SLC30A8: variants seen among roughly 807,000 people sequenced by gnomAD.
SLC30A8 encodes proton-coupled zinc antiporter SLC30A8.
A neutral mutation model predicts 36.9 loss-of-function variants in SLC30A8; 27 were observed. That is an observed-to-expected ratio of 0.73 (90% confidence interval 0.54 to 1.01). The LOEUF (loss-of-function observed/expected upper bound fraction) is 1.01. Among genes scored for constraint, SLC30A8 ranks in the 50% least tolerant of loss-of-function variants. The probability of loss-of-function intolerance (pLI) is 0.00; values close to 1 mark genes in which losing one functional copy is unlikely to be tolerated. For missense variants in SLC30A8, 439 were observed against 452.0 expected (o/e 0.97, Z 0.26); for synonymous variants, 164 against 172.4 (o/e 0.95, Z 0.38).
chr8:117,102,093 TA>T (rs536443986), intron 2 of SLC30A8, among the ~76,000 whole-genome samples: 1 of 152,172 alleles, frequency 6.6e-6, no homozygotes, highest in Admixed American at 6.6e-5. Flanking sequence ...TCGGTTTTTT[TA>T]AAAAATCATA....
At chr8:116,999,852 TAATA>T (rs1815949342) in intron 1 of SLC30A8, among the ~76,000 whole-genome samples, 1 of 152,134 alleles carries the variant, frequency 6.6e-6, no homozygotes, top group South Asian at 2.1e-4. Context: ...CATAAAAAAT[TAATA>T]AACAGATATG....
chr8:116,951,664 T>C (rs1813996426), intron 1 of SLC30A8, among the ~76,000 whole-genome samples: 1 of 152,048 alleles, frequency 6.6e-6, no homozygotes, highest in African/African-American at 2.4e-5. Flanking sequence ...GGTGATTCCT[T>C]GTATTTTTAT....
At chr8:117,004,714 T>A (rs1182545391) in intron 1 of SLC30A8, among the ~76,000 whole-genome samples, 1 of 152,178 alleles carries the variant, frequency 6.6e-6, no homozygotes, top group Non-Finnish European at 1.5e-5. Flanking sequence ...TCTCTTACAT[T>A]TGATACAGTG....
chr8:117,038,132 A>T (rs923911441), intron 1 of SLC30A8, among the ~76,000 whole-genome samples: 1 of 152,176 alleles, frequency 6.6e-6, no homozygotes, highest in Non-Finnish European at 1.5e-5. Flanking sequence ...CAGTAATTTT[A>T]TAAAATTGTT....
chr8:117,049,843 C>T (rs949127390), intron 2 of SLC30A8, among the ~76,000 whole-genome samples: 1 of 152,228 alleles, frequency 6.6e-6, no homozygotes, highest in Non-Finnish European at 1.5e-5. Flanking sequence ...CATTGTCACT[C>T]ACAGAGGTGG....
intron 2 of SLC30A8, among the ~76,000 whole-genome samples, chr8:117,074,280 G>C (rs1255885672): frequency 6.6e-6 from 1 of 152,032 alleles, no homozygotes; most frequent in Non-Finnish European, 1.5e-5. Context: ...CCCTTCCTGT[G>C]GACTTTGCAT....
chr8:117,018,674 C>T (rs867254348), intron 1 of SLC30A8, among the ~76,000 whole-genome samples: 1,422 of 119,620 alleles, frequency 0.012, 12 homozygotes, highest in African/African-American at 0.029. Flanking sequence ...CCCCCCCCCC[C>T]CTTTTTTTTT....
intron 1 of SLC30A8, among the ~76,000 whole-genome samples, chr8:117,027,063 C>G (rs1262654760): frequency 6.6e-6 from 1 of 152,168 alleles, no homozygotes; most frequent in Non-Finnish European, 1.5e-5. Flanking sequence ...GGCATTATCA[C>G]TGAGTAGCAC....
intron 2 of SLC30A8, among the ~76,000 whole-genome samples, chr8:117,082,287 T>G (rs1162873268): frequency 6.6e-6 from 1 of 152,102 alleles, no homozygotes; most frequent in South Asian, 2.1e-4. Flanking sequence ...CTAGATGAAG[T>G]ATGTAATGAC....
At chr8:117,097,886 A>ATATATATTATATAT (rs1819509063) in intron 2 of SLC30A8, among the ~76,000 whole-genome samples, 5 of 94,726 alleles carry the variant, frequency 5.3e-5, no homozygotes, top group African/African-American at 2.4e-4. Flanking sequence ...AATTTTAAAT[A>ATATATATTATATAT]AATATATATT....
intron 1 of SLC30A8, among the ~76,000 whole-genome samples, chr8:117,032,124 G>T (rs988148476): frequency 2.0e-4 from 31 of 151,266 alleles, no homozygotes; most frequent in African/African-American, 7.5e-4. Context: ...CGCATGCTTT[G>T]TGATCTAGCT....
chr8:116,972,546 C>A (rs188931202), intron 1 of SLC30A8, among the ~76,000 whole-genome samples: 1 of 152,276 alleles, frequency 6.6e-6, no homozygotes, highest in Admixed American at 6.5e-5. Context: ...CCTAAGCTCA[C>A]AAGGAGGAGA....
intron 6 of SLC30A8, among the ~76,000 whole-genome samples, chr8:117,164,828 T>A (rs932383052): frequency 6.6e-6 from 1 of 152,084 alleles, no homozygotes; most frequent in South Asian, 2.1e-4. Context: ...AGCCCCATTA[T>A]CCTTGACTAC....
At chr8:116,951,128 T>C (rs1049775694) in intron 1 of SLC30A8, 18 of 152,250 alleles carry the variant, frequency 1.2e-4, no homozygotes, top group Admixed American at 1.1e-3. Flanking sequence ...TGGTGAGTCA[T>C]TGATGTCTCT....
At chr8:117,165,074 CAA>C (rs966921300) in intron 6 of SLC30A8, among the ~76,000 whole-genome samples, 2 of 152,150 alleles carry the variant, frequency 1.3e-5, no homozygotes, top group African/African-American at 4.8e-5. Flanking sequence ...AGAGTTAGCG[CAA>C]AGAGACACAT....
intron 2 of SLC30A8, among the ~76,000 whole-genome samples, chr8:117,089,283 T>C (rs1444405873): frequency 6.6e-6 from 1 of 152,222 alleles, no homozygotes; most frequent in East Asian, 1.9e-4. Flanking sequence ...TCTTGACTTA[T>C]ATAACTGACA....
At chr8:117,027,060 T>A (rs376575364) in intron 1 of SLC30A8, among the ~76,000 whole-genome samples, 20 of 152,284 alleles carry the variant, frequency 1.3e-4, no homozygotes, top group Non-Finnish European at 1.3e-4. Context: ...TGAGGCATTA[T>A]CACTGAGTAG....
chr8:117,096,980 A>C (rs141638099), intron 2 of SLC30A8, among the ~76,000 whole-genome samples: 146 of 152,228 alleles, frequency 9.6e-4, no homozygotes, highest in African/African-American at 3.2e-3. Context: ...TATCTTTAAG[A>C]AGCTTATATT....
At chr8:117,128,734 A>T (rs571698920) in intron 2 of SLC30A8, among the ~76,000 whole-genome samples, 1 of 152,104 alleles carries the variant, frequency 6.6e-6, no homozygotes, top group Admixed American at 6.5e-5. Flanking sequence ...AATCCTTAGC[A>T]TAAATAGTGT....
Sources: gnomAD v4.1 joint callset for allele counts (sites outside exome capture counted in the v4.1 genomes callset) on GRCh38, gnomAD v4.1.1 for gene constraint, MANE v1.5 for transcripts, NCBI Gene and HGNC (gene_info 2026-07-23, HGNC 2026-07-21) for gene names.